Variants in SGCZ observed in about 807,000 individuals in gnomAD.
The protein encoded by SGCZ is sarcoglycan zeta.
A neutral mutation model predicts 41.3 loss-of-function variants in SGCZ; 40 were observed. The observed-to-expected ratio is 0.97, with a 90% CI of 0.75 to 1.26. SGCZ has a LOEUF of 1.26. SGCZ is among the 50% of genes most tolerant of loss of function. The probability of loss-of-function intolerance (pLI) is 0.00; values close to 1 mark genes in which losing one functional copy is unlikely to be tolerated. For missense variants in SGCZ, 552 were observed against 369.8 expected (o/e 1.49, Z -4.04); for synonymous variants, 206 against 137.5 (o/e 1.50, Z -3.49).
chr8:14,754,919 C>A (rs371970806), intron 1 of SGCZ, among the ~76,000 whole-genome samples: 2 of 152,036 alleles, frequency 1.3e-5, no homozygotes, highest in African/African-American at 4.8e-5. Context: ...TTTGTAGAGA[C>A]GGCGTTTCAC....
intron 1 of SGCZ, among the ~76,000 whole-genome samples, chr8:15,223,519 T>G (rs1801671009): frequency 6.6e-6 from 1 of 152,220 alleles, no homozygotes; most frequent in South Asian, 2.1e-4. Context: ...AACGTGTGTT[T>G]TAATTCTGTA....
intron 1 of SGCZ, among the ~76,000 whole-genome samples, chr8:14,669,935 A>G (rs987574751): frequency 2.0e-5 from 3 of 152,188 alleles, no homozygotes; most frequent in African/African-American, 7.2e-5. Context: ...ACTAAATACA[A>G]TGTCCATGTC....
At position 14,321,909 on chromosome 8, in the gene SGCZ, A is replaced by G. The variant is rs141561288; in HGVS notation, c.336+2194T>C. On this transcript the variant is annotated intron_variant, in intron 3 of 7. Coordinates refer to ENST00000382080, the MANE Select transcript of SGCZ (RefSeq NM_139167.4). ...CTTAACCTAAGAGTTAAGCACTTTG[A>G]TAACTTTCTACCAAACTCACTTAAT... 8.5e-5 allele frequency among the ~76,000 whole-genome samples: 13 copies of G among 152,252 alleles called. No individual in the cohort carries two copies. The East Asian group carries it at 2.3e-3, about 27-fold the overall frequency.
intron 1 of SGCZ, among the ~76,000 whole-genome samples, chr8:14,918,216 C>T (rs758215253): frequency 2.0e-5 from 3 of 151,992 alleles, no homozygotes; most frequent in Non-Finnish European, 2.9e-5. Context: ...GCAATGAGAC[C>T]GGCTGAATTT....
intron 1 of SGCZ, among the ~76,000 whole-genome samples, chr8:14,658,270 A>G (rs964757604): frequency 2.6e-5 from 4 of 152,216 alleles, no homozygotes; most frequent in African/African-American, 9.6e-5. Flanking sequence ...GATTATTCAG[A>G]AAGTGTCTAC....
At chr8:14,741,730 G>A (rs1799203823) in intron 1 of SGCZ, among the ~76,000 whole-genome samples, 1 of 151,972 alleles carries the variant, frequency 6.6e-6, no homozygotes, top group Non-Finnish European at 1.5e-5. Context: ...AAGTATGTCT[G>A]AAAGGACAAT....
At chr8:14,387,345 C>A (rs1447078768) in intron 2 of SGCZ, among the ~76,000 whole-genome samples, 1 of 152,112 alleles carries the variant, frequency 6.6e-6, no homozygotes, top group Non-Finnish European at 1.5e-5. Flanking sequence ...AGCCACAATG[C>A]CAAGTCACAT....
chr8:14,456,133 G>A (rs918472408), intron 2 of SGCZ, among the ~76,000 whole-genome samples: 24 of 152,254 alleles, frequency 1.6e-4, no homozygotes, highest in African/African-American at 5.1e-4. Context: ...GGTAGGACAC[G>A]CACGGTGGCT....
chr8:14,240,352 A>ATAAATAAATAAATAAAT (rs1563205605), intron 3 of SGCZ, among the ~76,000 whole-genome samples: 1 of 99,808 alleles, frequency 1.0e-5, no homozygotes, highest in African/African-American at 3.4e-5. Context: ...AAAAAAAAAA[A>ATAAATAAATAAATAAAT]AAAGAACTGA....
rs528734029 is a variant in SGCZ at position 14,422,703 on chromosome 8, T to C, written c.235-98499A>G. 4.6e-4 allele frequency among the ~76,000 whole-genome samples: 70 copies of C among 152,330 alleles called. 1 individual carries two copies. In the South Asian group the frequency reaches 0.014, roughly 30 times the overall value. The stretch of plus-strand genomic sequence containing the variant: ...GATGTAGATGAGCTAGCATAGTTTT[T>C]AGGACAAGTCTAGAATAATTTCAAA... On this transcript the variant is annotated intron_variant, in intron 2 of 7. Coordinates refer to ENST00000382080, the MANE Select transcript of SGCZ (RefSeq NM_139167.4).
At chr8:14,721,494 C>T (rs964709323) in intron 1 of SGCZ, among the ~76,000 whole-genome samples, 3 of 152,242 alleles carry the variant, frequency 2.0e-5, no homozygotes, top group Admixed American at 2.0e-4. Context: ...AAAGCATCAG[C>T]CTTAACTGCA....
At chr8:14,551,560 TATATATATAATATATATATAATATATATA>T (rs1563404757) in intron 2 of SGCZ, among the ~76,000 whole-genome samples, 37 of 19,276 alleles carry the variant, frequency 1.9e-3, no homozygotes, top group African/African-American at 0.011. Flanking sequence ...TAATATATAT[TATATATATAATATATATATAATATATATA>T]ATATATATTA....
chr8:14,673,688 A>G (rs569025371), intron 1 of SGCZ, among the ~76,000 whole-genome samples: 157 of 152,314 alleles, frequency 1.0e-3, no homozygotes, highest in African/African-American at 3.6e-3. Flanking sequence ...AGATTTATAA[A>G]TGCTTAATAT....
chr8:14,630,792 G>A (rs1416520933), intron 1 of SGCZ, among the ~76,000 whole-genome samples: 1 of 149,144 alleles, frequency 6.7e-6, no homozygotes, highest in Non-Finnish European at 1.5e-5. Context: ...AACACCACGT[G>A]TTCTCACTCA....
chr8:14,942,419 G>C (rs1371354043), intron 1 of SGCZ, among the ~76,000 whole-genome samples: 5 of 151,994 alleles, frequency 3.3e-5, no homozygotes, highest in Admixed American at 3.3e-4. Context: ...TAATTCCTGG[G>C]GTAACTCTTT....
At chr8:14,939,033 T>C (rs536457008) in intron 1 of SGCZ, among the ~76,000 whole-genome samples, 73 of 152,226 alleles carry the variant, frequency 4.8e-4, no homozygotes, top group Non-Finnish European at 9.3e-4. Flanking sequence ...AGCTACTCCA[T>C]GGAGTAGTCA....
chr8:15,018,998 G>A (rs536014973), intron 1 of SGCZ, among the ~76,000 whole-genome samples: 35 of 152,288 alleles, frequency 2.3e-4, no homozygotes, highest in African/African-American at 8.2e-4. Flanking sequence ...GGAGATCAAA[G>A]CAGGAAGTGC....
intron 3 of SGCZ, among the ~76,000 whole-genome samples, chr8:14,317,401 A>G (rs1008137991): frequency 6.6e-6 from 1 of 151,996 alleles, no homozygotes; most frequent in African/African-American, 2.4e-5. Context: ...CCAGAGCTGT[A>G]GTGTATGCTG....
intron 1 of SGCZ, among the ~76,000 whole-genome samples, chr8:14,802,960 T>C (rs1215247407): frequency 1.3e-5 from 2 of 152,166 alleles, no homozygotes; most frequent in Admixed American, 1.3e-4. Flanking sequence ...AGCCCCATTC[T>C]TGTTTGTAGA....
Sources: gnomAD v4.1 joint callset for allele counts (sites outside exome capture counted in the v4.1 genomes callset) on GRCh38, gnomAD v4.1.1 for gene constraint, MANE v1.5 for transcripts, NCBI Gene and HGNC (gene_info 2026-07-23, HGNC 2026-07-21) for gene names.